Variants in OSTN observed in about 807,000 individuals in gnomAD.
The protein encoded by OSTN is osteocrin.
OSTN carries 9 observed loss-of-function variants against 12.0 expected under a neutral mutation model. That is an observed-to-expected ratio of 0.75 (90% CI 0.45 to 1.30). The LOEUF (loss-of-function observed/expected upper bound fraction) is 1.30, where lower values mean the gene tolerates loss of function less well. Among genes scored for constraint, OSTN ranks in the 50% most tolerant of loss-of-function variants. The pLI is 0.00. For synonymous variants in OSTN, 59 were observed against 56.9 expected, an observed-to-expected ratio of 1.04 and a Z score of -0.16; for missense variants, 148 against 152.3, an observed-to-expected ratio of 0.97 and a Z score of 0.15.
intron 1 of OSTN, among the ~76,000 whole-genome samples, chr3:191,210,356 A>G (rs9878955): frequency 0.38 from 57,209 of 152,068 alleles, 12,654 homozygotes; most frequent in African/African-American, 0.61. Context: ...AAACACATTG[A>G]GGGCAAGGAA....
intron 3 of OSTN, among the ~76,000 whole-genome samples, chr3:191,227,839 T>A (rs1168955822): frequency 6.6e-6 from 1 of 152,164 alleles, no homozygotes; most frequent in African/African-American, 2.4e-5. Flanking sequence ...TTCAGGAACA[T>A]AAATATATGC....
intron 2 of OSTN, among the ~76,000 whole-genome samples, chr3:191,218,277 A>C (rs894163269): frequency 9.9e-5 from 15 of 151,888 alleles, no homozygotes; most frequent in African/African-American, 3.4e-4. Flanking sequence ...CCCCTCTACT[A>C]TGTGTTTCAG....
At chr3:191,253,078 G>A (rs574786118) in intron 4 of OSTN, among the ~76,000 whole-genome samples, 62 of 152,264 alleles carry the variant, frequency 4.1e-4, no homozygotes, top group African/African-American at 1.3e-3. Flanking sequence ...CATTCTCTTC[G>A]TGACCCAAAA....
At chr3:191,213,083 C>G (rs1286708017) in intron 2 of OSTN, among the ~76,000 whole-genome samples, 1 of 151,632 alleles carries the variant, frequency 6.6e-6, no homozygotes, top group African/African-American at 2.4e-5. Context: ...ATTGGCCAGG[C>G]TGGTCTTGAA....
chr3:191,210,670 A>G (rs1055803938), intron 1 of OSTN, among the ~76,000 whole-genome samples: 2 of 152,220 alleles, frequency 1.3e-5, no homozygotes, highest in African/African-American at 2.4e-5. Flanking sequence ...TACAGATTCC[A>G]TTCTAGCACC....
chr3:191,212,859 T>C (rs891318882), intron 2 of OSTN, among the ~76,000 whole-genome samples: 2 of 136,054 alleles, frequency 1.5e-5, no homozygotes, highest in African/African-American at 5.3e-5. Flanking sequence ...TTTCCTTTTC[T>C]TTTCTTTCTT....
intron 1 of OSTN, among the ~76,000 whole-genome samples, chr3:191,205,029 A>C (rs575738886): frequency 6.6e-6 from 1 of 152,342 alleles, no homozygotes; most frequent in South Asian, 2.1e-4. Flanking sequence ...TTTTAGTTAT[A>C]ATAAAACACA....
intron 1 of OSTN, among the ~76,000 whole-genome samples, chr3:191,206,771 C>T (rs957828307): frequency 6.6e-6 from 1 of 152,162 alleles, no homozygotes; most frequent in African/African-American, 2.4e-5. Context: ...GTCTTTTTTC[C>T]ATTACAGAGA....
chr3:191,213,730 T>C (rs1291167372), intron 2 of OSTN, among the ~76,000 whole-genome samples: 1 of 151,822 alleles, frequency 6.6e-6, no homozygotes, highest in Non-Finnish European at 1.5e-5. Context: ...AGTGAGAGTC[T>C]GAAAAGCATT....
At position 191,264,462 on chromosome 3, in the gene OSTN, A is replaced by T. The variant is rs1452636405; in HGVS notation, c.*1609A>T. 6.6e-6 allele frequency: 1 copy of T among 152,172 alleles called. No homozygotes were observed. Among genetic ancestry groups the T allele is most frequent in the Non-Finnish European group, 1.5e-5 (1 of 67,984 alleles). The allele number at this position is 152,172 out of a possible 1,614,324, so 9.4% of individuals were successfully genotyped here. ...AATTGAAAGTCTTCAAAATTAATTT[A>T]GGAAAAATAGTAAATAATTTTTTTT... is the stretch of plus-strand genomic sequence containing the variant. On this transcript the variant is annotated 3_prime_UTR_variant, in exon 5 of 5. Coordinates refer to ENST00000682035, the MANE Select transcript of OSTN (RefSeq NM_198184.2).
chr3:191,241,307 C>G (rs1006527989), intron 3 of OSTN, among the ~76,000 whole-genome samples: 1 of 151,012 alleles, frequency 6.6e-6, no homozygotes, highest in Non-Finnish European at 1.5e-5. Context: ...GCCTACCTAC[C>G]GAGTAGATGG....
chr3:191,200,178 G>A (rs540760536), intron 1 of OSTN, among the ~76,000 whole-genome samples: 1 of 152,228 alleles, frequency 6.6e-6, no homozygotes, highest in Non-Finnish European at 1.5e-5. Flanking sequence ...GGGACATTCT[G>A]TGTTTTCTCT....
intron 2 of OSTN, among the ~76,000 whole-genome samples, chr3:191,218,191 C>T (rs1000031781): frequency 2.0e-5 from 3 of 152,188 alleles, no homozygotes; most frequent in South Asian, 4.1e-4. Flanking sequence ...AAAAATGATC[C>T]GTAAATATGC....
intron 1 of OSTN, among the ~76,000 whole-genome samples, chr3:191,209,149 A>T (rs1043770119): frequency 1.3e-4 from 20 of 149,306 alleles, no homozygotes; most frequent in African/African-American, 2.3e-4. Context: ...ACAGAGTGAA[A>T]CTCCATCACA....
At chr3:191,243,596 A>C (rs560981477) in intron 3 of OSTN, among the ~76,000 whole-genome samples, 1 of 152,074 alleles carries the variant, frequency 6.6e-6, no homozygotes, top group Non-Finnish European at 1.5e-5. Flanking sequence ...AATTGTATAA[A>C]TTTAGGGTGT....
chr3:191,207,311 T>C (rs930960831), intron 1 of OSTN, among the ~76,000 whole-genome samples: 10 of 152,202 alleles, frequency 6.6e-5, no homozygotes, highest in Admixed American at 6.5e-4. Flanking sequence ...TTTCTAATTG[T>C]TGGATCAACT....
At chr3:191,244,912 A>G (rs1715396663) in intron 3 of OSTN, among the ~76,000 whole-genome samples, 1 of 152,060 alleles carries the variant, frequency 6.6e-6, no homozygotes, top group Non-Finnish European at 1.5e-5. Context: ...ATTTGTTGCT[A>G]GGGTAAAACC....
At chr3:191,200,521 A>T (rs1311136208) in intron 1 of OSTN, among the ~76,000 whole-genome samples, 1 of 152,162 alleles carries the variant, frequency 6.6e-6, no homozygotes, top group Non-Finnish European at 1.5e-5. Context: ...ACTTGTCTCA[A>T]AAATAAAGAA....
chr3:191,259,194 CA>C (rs1196438509), intron 4 of OSTN, among the ~76,000 whole-genome samples: 5 of 121,622 alleles, frequency 4.1e-5, no homozygotes, highest in African/African-American at 1.4e-4. Flanking sequence ...AACGGGAAAA[CA>C]ATCTGTTTTT....
Sources: allele counts gnomAD v4.1 joint callset (sites outside exome capture counted in the v4.1 genomes callset), GRCh38; gene constraint gnomAD v4.1.1; transcripts MANE v1.5; gene names NCBI Gene and HGNC (gene_info 2026-07-23, HGNC 2026-07-21).